Variants in ARAP3 observed in about 807,000 individuals in gnomAD.
ARAP3 encodes arf-GAP with Rho-GAP domain, ANK repeat and PH domain-containing protein 3.
A neutral mutation model predicts 169.2 loss-of-function variants in ARAP3; 82 were observed. The ratio of observed to expected loss-of-function variants is 0.48; its 90% confidence interval spans 0.41 to 0.58. The LOEUF (loss-of-function observed/expected upper bound fraction) is 0.58. Among genes scored for constraint, ARAP3 ranks in the 20% least tolerant of loss-of-function variants. ARAP3 has a pLI of 0.00. For missense variants in ARAP3, 1,764 were observed against 2,018.0 expected (o/e 0.87, Z 2.41); for synonymous variants, 791 against 800.3 (o/e 0.99, Z 0.20).
At chr5:141,670,729 C>A (rs1338106622) in intron 13 of ARAP3, 101 bp from the exon 14 acceptor site, 3 of 967,284 alleles carry the variant, frequency 3.1e-6, no homozygotes, top group African/African-American at 1.6e-5. Flanking sequence ...TGGGACCTGA[C>A]TCCACTGCCA....
chr5:141,653,810 C>G lies in ARAP3; in HGVS notation c.*140G>C, dbSNP rs1316712705. Reference sequence around the variant, plus strand: ...GTCCTGGGACACGCAGCCACTGAAGCCTTTAGTCCAGTGCTCCTTCCACAG... The same window carrying G: ...GTCCTGGGACACGCAGCCACTGAAGGCTTTAGTCCAGTGCTCCTTCCACAG... On this transcript the variant is annotated 3_prime_UTR_variant, in exon 33 of 33. Coordinates refer to ENST00000239440, the MANE Select transcript of ARAP3 (RefSeq NM_022481.6). 4.0e-6 allele frequency: 5 copies of G among 1,236,058 alleles called. No individual in the cohort carries two copies. The African/African-American group carries it at 4.5e-5, about 11-fold the overall frequency. 76.6% of individuals were successfully genotyped at this position (1,236,058 alleles called of 1,614,324 possible).
intron 4 of ARAP3, among the ~76,000 whole-genome samples, chr5:141,678,280 T>A (rs1409616852): frequency 1.3e-5 from 2 of 151,832 alleles, no homozygotes; most frequent in African/African-American, 4.8e-5. Context: ...CTCTCTGACT[T>A]CATCTCCTGC....
At chr5:141,680,874 G>C (rs2099912869) in intron 1 of ARAP3, 2 of 229,518 alleles carry the variant, frequency 8.7e-6, no homozygotes, top group African/African-American at 4.6e-5. Flanking sequence ...GAATGCTGTG[G>C]GTCAGAGTGG....
chr5:141,659,541 C>G lies in ARAP3; in HGVS notation c.3268-65G>C, dbSNP rs1004206661. 13 of 1,541,192 alleles carry G rather than the reference C, an allele frequency of 8.4e-6. No individual in the cohort carries two copies. The African/African-American group carries it at 1.6e-4, about 19-fold the overall frequency. ...AGGATCTGCCGGGAAGATCTCAAGG[C>G]CAAGGAGGACCTGTTTAAGAGGGCT... On this transcript the variant is annotated intron_variant, in intron 22 of 32. Transcript: ENST00000239440.
chr5:141,668,756 G>A (rs573970676), intron 16 of ARAP3, among the ~76,000 whole-genome samples: 65 of 152,198 alleles, frequency 4.3e-4, no homozygotes, highest in Non-Finnish European at 8.4e-4. Flanking sequence ...CAGGAGTGCC[G>A]GATGCTGCAG....
rs1251258206 is a variant in ARAP3, at chr5:141,680,407, C to A, written c.80G>T (p.Arg27Leu). 6.2e-7 allele frequency: 1 copy of A among 1,613,756 alleles called. No individual in the cohort carries two copies. The highest frequency in any genetic ancestry group is 8.5e-7 in the Non-Finnish European group (1 of 1,180,032). Reference sequence around the variant, plus strand: ...TGCACCTGCTGTAGCCAGGCCATGCCGTCGGAACGTGTCTGCATACTGCTC... The same window carrying A: ...TGCACCTGCTGTAGCCAGGCCATGCAGTCGGAACGTGTCTGCATACTGCTC... Reference protein sequence around the residue: ...HLEQYADTFRRHGLATAGAAR... With the variant: ...HLEQYADTFRLHGLATAGAAR... The change falls in exon 2 of 33, where the codon CGG becomes CTG. Residue 27 changes from arginine to leucine, a missense_variant. Physicochemically the swap from Arg to Leu is moderately radical, Grantham distance 102. This residue lies in a region of ARAP3 where 630 missense variants were observed against 678.7 expected (regional missense o/e 0.93). Coordinates refer to ENST00000239440, the MANE Select transcript of ARAP3 (RefSeq NM_022481.6).
Position 141,655,783 on chromosome 5 carries a change from A to T in ARAP3, c.3973-25T>A, listed in dbSNP as rs767933008. The T allele has an allele frequency of 3.2e-5, 52 of 1,614,056 alleles. No individual in the cohort carries two copies. In the South Asian group the frequency reaches 5.6e-4, roughly 17 times the overall value. Reference sequence around the variant, plus strand: ...GCTGGTGGGAGCGTGAGGGGTTGGCATCAGTGGGCATGAAAGGCACTGAGG... The same window carrying T: ...GCTGGTGGGAGCGTGAGGGGTTGGCTTCAGTGGGCATGAAAGGCACTGAGG... On this transcript the variant is annotated intron_variant, in intron 30 of 32. Transcript: ENST00000239440.
chr5:141,681,386 C>A (rs2099912950), intron 1 of ARAP3, among the ~76,000 whole-genome samples: 1 of 152,154 alleles, frequency 6.6e-6, no homozygotes, highest in Admixed American at 6.5e-5. Flanking sequence ...TTTCTCCAAG[C>A]CTTCCTTTTC....
chr5:141,679,945 G>A lies in ARAP3; in HGVS notation c.524+18C>T, dbSNP rs371294873. The A allele has an allele frequency of 2.0e-5, 33 of 1,613,860 alleles. No homozygotes were observed. The highest frequency in any genetic ancestry group is 1.6e-4 in the Middle Eastern group (1 of 6,084). The stretch of plus-strand genomic sequence containing the variant: ...CACTCCTCCCAGCATCAGTCCCTAG[G>A]GAGCCAACTCCACTCACTTGTCCTG... On this transcript the variant is annotated intron_variant, in intron 2 of 32. Transcript: ENST00000239440.
Position 141,672,033 on chromosome 5 carries a change from G to T in ARAP3, c.1586-53C>A. On this transcript the variant is annotated intron_variant, in intron 10 of 32. Coordinates refer to ENST00000239440, the MANE Select transcript of ARAP3 (RefSeq NM_022481.6). The surrounding 1 kb of genome is among the most constrained non-coding windows in gnomAD (Gnocchi z 4.9). ...TGTGTGAGGGTGTGAGGGGCATGTG[G>T]CACGGGTACCCTGAGCCCTCTAGTC... 1 of 1,613,942 alleles carries T rather than the reference G, an allele frequency of 6.2e-7. No individual in the cohort carries two copies. The highest frequency in any genetic ancestry group is 1.6e-4 in the Middle Eastern group (1 of 6,062).
intron 32 of ARAP3, 125 bp from the exon 33 acceptor site, chr5:141,654,560 G>C: frequency 7.4e-7 from 1 of 1,348,064 alleles, no homozygotes; most frequent in African/African-American, 1.5e-5. Flanking sequence ...TATGATTCTG[G>C]AACAACCCTG....
chr5:141,665,450 G>A (rs1241972746), intron 17 of ARAP3, 76 bp from the exon 18 acceptor site: 35 of 1,467,916 alleles, frequency 2.4e-5, no homozygotes, highest in Non-Finnish European at 2.9e-5. Context: ...AATGCTTAAC[G>A]TGCATAGATG....
intron 14 of ARAP3, 62 bp downstream of exon 14, chr5:141,670,450 A>G: frequency 6.6e-7 from 1 of 1,504,756 alleles, no homozygotes; most frequent in Non-Finnish European, 9.2e-7. Context: ...GTCCCTCTGC[A>G]GTACCCTCAC....
chr5:141,675,706 G>C (rs1482955396), intron 4 of ARAP3, among the ~76,000 whole-genome samples: 1 of 151,270 alleles, frequency 6.6e-6, no homozygotes, highest in Non-Finnish European at 1.5e-5. Context: ...CTGGGCAACA[G>C]AGCGAGACTC....
chr5:141,680,257 C>T lies in ARAP3; in HGVS notation c.230G>A (p.Ser77Asn), dbSNP rs749280949. ...EEGSLDPKSD[S>N]AMEPSPSPAP... The stretch of plus-strand genomic sequence containing the variant: ...TGGGCTGGGGGATGGTTCCATGGCA[C>T]TATCTGATTTGGGATCCAGGGAGCC... Residue 77 changes from serine (S) to asparagine (N), a missense_variant, in exon 2 of 33, where the codon AGT (serine) becomes AAT (asparagine). By Grantham distance (46) the Ser-to-Asn change is conservative. Transcript: ENST00000239440. 18 of 1,614,038 alleles carry T rather than the reference C, an allele frequency of 1.1e-5. No individual in the cohort carries two copies. In the East Asian group the frequency reaches 3.6e-4, roughly 32 times the overall value.
At chr5:141,665,621 G>A (rs2099910522) in intron 17 of ARAP3, among the ~76,000 whole-genome samples, 1 of 152,108 alleles carries the variant, frequency 6.6e-6, no homozygotes, top group Admixed American at 6.5e-5. Flanking sequence ...CAGGTCTCTT[G>A]TTTCCAAAGT....
rs201640643 is a variant in ARAP3 at position 141,661,731 on chromosome 5, C to A, written c.3072G>T (p.Pro1024=). 1.1e-5 allele frequency: 17 copies of A among 1,614,206 alleles called. 1 individual carries two copies. In the Admixed American group the frequency reaches 2.3e-4, roughly 22 times the overall value. Residue 1024 remains proline, a synonymous_variant, in exon 21 of 33, where the codon CCG becomes CCT. Transcript: ENST00000239440. ...EKYKDVIGCL[P]RVNRRTLATL... The stretch of plus-strand genomic sequence containing the variant: ...TGGCCAGTGTGCGGCGGTTGACCCG[C>A]GGCAGGCAGCCAATCACATCTTTAT...
intron 17 of ARAP3, among the ~76,000 whole-genome samples, chr5:141,666,055 T>A (rs2003361): frequency 0.24 from 22,399 of 94,520 alleles, 2,068 homozygotes; most frequent in South Asian, 0.32. Flanking sequence ...AAAAAAAAAA[T>A]AATAATAATA....
rs746250184 is a variant in ARAP3 at position 141,655,614 on chromosome 5, G to C, written c.4110+7C>G. ...GAATCGGGTTGGGGCAGGGTGGGGT[G>C]CCTTACCAGGGTCTGATTGGCAGAG... On this transcript the variant is annotated splice_region_variant and intron_variant, in intron 31 of 32. Transcript: ENST00000239440. The C allele has an allele frequency of 1.2e-6, 2 of 1,613,936 alleles. No homozygotes were observed. The highest frequency in any genetic ancestry group is 1.7e-5 in the Admixed American group (1 of 60,006).
Sources: gnomAD v4.1 joint callset for allele counts (sites outside exome capture counted in the v4.1 genomes callset) on GRCh38, gnomAD v4.1.1 for gene constraint, gnomAD v4.1.1 regional missense constraint, Gnocchi (gnomAD v3.1) non-coding constraint, MANE v1.5 for transcripts, NCBI Gene and HGNC (gene_info 2026-07-23, HGNC 2026-07-21) for gene names.